LINGO2: variants seen among roughly 807,000 people sequenced by gnomAD.
The protein encoded by LINGO2 is leucine rich repeat and Ig domain containing 2.
LINGO2 carries 14 observed loss-of-function variants against 30.6 expected under a neutral mutation model. The observed-to-expected ratio is 0.46, with a 90% CI of 0.30 to 0.72. The LOEUF (loss-of-function observed/expected upper bound fraction) is 0.72, where lower values mean the gene tolerates loss of function less well. Ranked by LOEUF, LINGO2 falls within the 30% of genes least tolerant of loss-of-function variation. The probability of loss-of-function intolerance (pLI) is 0.07; values close to 1 mark genes in which losing one functional copy is unlikely to be tolerated. For missense variants in LINGO2, 729 were observed against 751.7 expected (o/e 0.97, Z 0.35); for synonymous variants, 317 against 288.5 (o/e 1.10, Z -1.00).
the LINGO2 span, among the ~76,000 whole-genome samples, chr9:28,689,936 T>C: frequency 6.6e-6 from 1 of 152,052 alleles, no homozygotes; most frequent in African/African-American, 2.4e-5. Context: ...ATAGATGGAA[T>C]TGGAAGCCAT....
At chr9:28,117,668 G>A (rs539089225) in intron 4 of LINGO2, among the ~76,000 whole-genome samples, 43 of 135,810 alleles carry the variant, frequency 3.2e-4, no homozygotes, top group African/African-American at 1.1e-3. Context: ...GGAGTGACCC[G>A]ATTTTCCAGG....
intron 1 of LINGO2, among the ~76,000 whole-genome samples, chr9:28,625,918 C>T (rs1252380861): frequency 1.3e-5 from 2 of 152,014 alleles, no homozygotes; most frequent in South Asian, 2.1e-4. Context: ...TTTGTGAAGA[C>T]ATACACTTTG....
At chr9:28,842,096 GA>G in the LINGO2 span, among the ~76,000 whole-genome samples, 2 of 139,052 alleles carry the variant, frequency 1.4e-5, no homozygotes, top group African/African-American at 2.5e-5. Flanking sequence ...ACTGAACTAA[GA>G]AAGTAAATGG....
At chr9:28,840,394 A>G in the LINGO2 span, among the ~76,000 whole-genome samples, 2 of 151,896 alleles carry the variant, frequency 1.3e-5, no homozygotes, top group East Asian at 3.9e-4. Flanking sequence ...TGTAAGTTTT[A>G]TCAACAATGT....
intron 4 of LINGO2, among the ~76,000 whole-genome samples, chr9:28,122,121 T>C (rs1827112987): frequency 6.6e-6 from 1 of 152,176 alleles, no homozygotes; most frequent in African/African-American, 2.4e-5. Context: ...CTAATTTTAA[T>C]GTGTCCAACT....
chr9:29,043,793 T>C, the LINGO2 span, among the ~76,000 whole-genome samples: 1 of 151,976 alleles, frequency 6.6e-6, no homozygotes, highest in Admixed American at 6.6e-5. Flanking sequence ...CAGAAACAAA[T>C]CATCTGAAGT....
the LINGO2 span, among the ~76,000 whole-genome samples, chr9:29,085,602 G>A: frequency 6.6e-6 from 1 of 151,986 alleles, no homozygotes; most frequent in Non-Finnish European, 1.5e-5. Flanking sequence ...CCTGAATAAA[G>A]AGCAATATCA....
the LINGO2 span, among the ~76,000 whole-genome samples, chr9:28,696,686 G>T: frequency 1.3e-5 from 2 of 151,900 alleles, no homozygotes; most frequent in Non-Finnish European, 2.9e-5. Flanking sequence ...AGTCAGAGAT[G>T]AAGTATGATT....
chr9:28,618,454 C>A (rs551223510), intron 1 of LINGO2, among the ~76,000 whole-genome samples: 1 of 152,146 alleles, frequency 6.6e-6, no homozygotes, highest in East Asian at 1.9e-4. Context: ...TAATTTTCCT[C>A]CATACAATTC....
chr9:28,287,481 T>C (rs892158781), intron 4 of LINGO2, among the ~76,000 whole-genome samples: 4 of 152,238 alleles, frequency 2.6e-5, no homozygotes, highest in Non-Finnish European at 5.9e-5. Flanking sequence ...ACATGCACTG[T>C]AATGGAAAGG....
chr9:28,829,983 C>T, the LINGO2 span, among the ~76,000 whole-genome samples: 2 of 152,160 alleles, frequency 1.3e-5, no homozygotes, highest in East Asian at 1.9e-4. Context: ...AAGGAACATA[C>T]ATTCATAACC....
At chr9:28,376,410 A>G (rs752081014) in intron 2 of LINGO2, among the ~76,000 whole-genome samples, 10 of 152,198 alleles carry the variant, frequency 6.6e-5, no homozygotes, top group Non-Finnish European at 1.2e-4. Context: ...AGCTGTTCTC[A>G]GATGGGATAA....
At chr9:28,878,710 G>T in the LINGO2 span, among the ~76,000 whole-genome samples, 284 of 152,206 alleles carry the variant, frequency 1.9e-3, 1 homozygote, top group African/African-American at 6.3e-3. Context: ...ATGTAATCCA[G>T]CATATAAACA....
the LINGO2 span, among the ~76,000 whole-genome samples, chr9:28,957,760 T>C: frequency 4.6e-5 from 7 of 152,186 alleles, no homozygotes; most frequent in Non-Finnish European, 1.0e-4. Context: ...CAAAGTAAAA[T>C]CTACCTGAAG....
intron 4 of LINGO2, among the ~76,000 whole-genome samples, chr9:28,149,477 C>A: frequency 6.6e-6 from 1 of 151,374 alleles, no homozygotes; most frequent in East Asian, 2.0e-4. Flanking sequence ...CCCGCCCTCT[C>A]TGGGAAGTGA....
In LINGO2 at chr9:28,605,279, T is replaced by C. The variant is rs528579337; in HGVS notation, c.-365+64921A>G. ...AAATTAATTTTATCTGTTTCTTTTT[T>C]CTTTTCATTGTGGTTACTAGAAATT... is the stretch of plus-strand genomic sequence containing the variant. On this transcript the variant is annotated intron_variant, in intron 1 of 5. Coordinates refer to ENST00000379992, the Ensembl canonical transcript of LINGO2. Among the ~76,000 whole-genome samples the C allele has an allele frequency of 2.0e-5, 3 of 152,152 alleles. No individual in the cohort carries two copies. In the East Asian group the frequency reaches 5.8e-4, roughly 29 times the overall value.
At chr9:28,938,510 G>C in the LINGO2 span, among the ~76,000 whole-genome samples, 1 of 152,028 alleles carries the variant, frequency 6.6e-6, no homozygotes, top group African/African-American at 2.4e-5. Context: ...ATATATAATG[G>C]TTGTCCCATA....
the LINGO2 span, among the ~76,000 whole-genome samples, chr9:29,037,398 T>C: frequency 6.6e-6 from 1 of 151,946 alleles, no homozygotes; most frequent in Non-Finnish European, 1.5e-5. Flanking sequence ...AATTGAAGTT[T>C]TAGTGGAACT....
In LINGO2 at chr9:28,632,880, G is replaced by GAGA. The variant is rs1563879250; in HGVS notation, c.-365+37319_-365+37320insTCT. Among the ~76,000 whole-genome samples, 331 of 64,588 alleles carry GAGA rather than the reference G, an allele frequency of 5.1e-3. 4 individuals are homozygous for GAGA. The highest frequency in any genetic ancestry group is 0.021 in the African/African-American group (323 of 15,690). 42.4% of individuals were successfully genotyped at this position (64,588 alleles called of 152,430 possible). On this transcript the variant is annotated intron_variant, in intron 1 of 5. Coordinates refer to ENST00000379992, the Ensembl canonical transcript of LINGO2. ...TTTATATATATATATATATATATAT[G>GAGA]TAGAGAGAGAGAGAGAGAGAGAGAG...
Sources: allele counts gnomAD v4.1 joint callset (sites outside exome capture counted in the v4.1 genomes callset), GRCh38; gene constraint gnomAD v4.1.1; transcripts MANE v1.5; gene names NCBI Gene and HGNC (gene_info 2026-07-23, HGNC 2026-07-21).